The following CAMSAP1 variants were observed in gnomAD, a reference collection of about 807,000 sequenced individuals.
CAMSAP1 encodes calmodulin regulated spectrin associated protein 1, also known as calmodulin-regulated spectrin-associated protein 1.
In CAMSAP1, 58 loss-of-function variants were observed where a neutral mutation model predicts 143.5. The ratio of observed to expected loss-of-function variants is 0.40; its 90% CI spans 0.33 to 0.50. The LOEUF is 0.50. CAMSAP1 is among the 20% of genes least tolerant of loss of function. The pLI, the probability that CAMSAP1 is intolerant of heterozygous loss-of-function variation, is 0.45. For synonymous variants in CAMSAP1, 945 were observed against 859.3 expected, an observed-to-expected ratio of 1.10 and a Z score of -1.74; for missense variants, 1,969 against 2,115.7, an observed-to-expected ratio of 0.93 and a Z score of 1.36.
At chr9:135,848,210 G>A (rs1242373035) in intron 7 of CAMSAP1, among the ~76,000 whole-genome samples, 1 of 151,916 alleles carries the variant, frequency 6.6e-6, no homozygotes, top group African/African-American at 2.4e-5. Context: ...AGTTGGGAAG[G>A]AAAGTTAAGT....
rs911573428 is a variant in CAMSAP1 at position 135,836,285 on chromosome 9, C to T, written c.1046-8701G>A. ...TTACCCATTCCGCAGCCACACATCA[C>T]CACGTACCTTCTACCCTGTTCTACA... On this transcript the variant is annotated intron_variant, in intron 7 of 16. Transcript: ENST00000389532. 14 of 984,818 alleles carry T rather than the reference C, an allele frequency of 1.4e-5. No individual in the cohort carries two copies. The East Asian group carries it at 1.5e-3, about 105-fold the overall frequency. The allele number at this position is 984,818 out of a possible 1,614,324, so 61.0% of individuals were successfully genotyped here. A position where few individuals can be genotyped will look rare whatever the true frequency, so the allele number is the denominator to read the frequency against.
At position 135,823,221 on chromosome 9, in the gene CAMSAP1, A is replaced by G; in HGVS notation, c.1440T>C (p.Ala480=). The G allele has an allele frequency of 6.4e-7, 1 of 1,569,738 alleles. No homozygotes were observed. The highest frequency in any genetic ancestry group is 1.2e-5 in the South Asian group (1 of 82,372). Reference sequence around the variant, plus strand: ...AGCTGGGATCCACTTCACAACTCGCAGCGTGATGTAGAGCAAAAGGTGTTG... The same window carrying G: ...AGCTGGGATCCACTTCACAACTCGCGGCGTGATGTAGAGCAAAAGGTGTTG... The part of the protein sequence containing the change: ...SQPTPFALHH[A]ASCEVDPSSG... The change falls in exon 11 of 17, where the codon GCT becomes GCC. Residue 480 remains alanine (A), a synonymous_variant. Coordinates refer to ENST00000389532, the MANE Select transcript of CAMSAP1 (RefSeq NM_015447.4).
In CAMSAP1 at chr9:135,820,798, C is replaced by CA; in HGVS notation, c.3822+40dup. 5 of 1,596,548 alleles carry CA rather than the reference C, an allele frequency of 3.1e-6. No homozygotes were observed. Among genetic ancestry groups the CA allele is most frequent in the Non-Finnish European group, 4.3e-6 (5 of 1,173,134 alleles). ...AACTCACTATCACGTGGGGTGGCAA[C>CA]ACATCACGAGTGCCTGAAACAGATG... On this transcript the variant is annotated intron_variant, in intron 11 of 16. Transcript: ENST00000389532. This position sits in a 1 kb window ranked among gnomAD's most constrained non-coding sequence, Gnocchi z 4.4.
chr9:135,874,123 T>A (rs1837655289), intron 3 of CAMSAP1, among the ~76,000 whole-genome samples: 1 of 152,104 alleles, frequency 6.6e-6, no homozygotes, highest in South Asian at 2.1e-4. Context: ...AAAAGTCATA[T>A]AATCATCTCA....
intron 7 of CAMSAP1, 74 bp downstream of exon 7, chr9:135,850,063 C>A: frequency 8.3e-7 from 1 of 1,207,804 alleles, no homozygotes; most frequent in South Asian, 1.4e-5. Context: ...AACATGGAAC[C>A]ACTGGAGAGT....
chr9:135,850,668 GA>G (rs1836743788), intron 5 of CAMSAP1, among the ~76,000 whole-genome samples: 1 of 152,218 alleles, frequency 6.6e-6, no homozygotes, highest in South Asian at 2.1e-4. Flanking sequence ...TCTCAAGTCT[GA>G]ATTTGATGGT....
At chr9:135,812,291 G>C (rs1040648665) in intron 16 of CAMSAP1, among the ~76,000 whole-genome samples, 1 of 152,178 alleles carries the variant, frequency 6.6e-6, no homozygotes, top group Admixed American at 6.5e-5. Context: ...ATGACGAGAT[G>C]AACAGCATGG....
chr9:135,847,423 T>A (rs1401348013), intron 7 of CAMSAP1, among the ~76,000 whole-genome samples: 1 of 152,110 alleles, frequency 6.6e-6, no homozygotes, highest in Non-Finnish European at 1.5e-5. Flanking sequence ...GTATGTTTAC[T>A]GCAGCACTAT....
intron 14 of CAMSAP1, among the ~76,000 whole-genome samples, chr9:135,817,599 CTG>C (rs1835276307): frequency 1.3e-5 from 2 of 152,148 alleles, no homozygotes; most frequent in South Asian, 4.2e-4. Flanking sequence ...GGGTCTCACT[CTG>C]TTGCCCAGGC....
At chr9:135,885,386 A>G (rs2130992672) in intron 1 of CAMSAP1, among the ~76,000 whole-genome samples, 1 of 152,268 alleles carries the variant, frequency 6.6e-6, no homozygotes. Context: ...TCCCACTTAG[A>G]CAACTGTGAT....
In CAMSAP1 at chr9:135,818,199, A is replaced by T; in HGVS notation, c.4169-120T>A. ...GCTCGGCCACACAGGCCGCGTCCCC[A>T]CCCCATCCCGGGGAGCCGGGCTGCG... On this transcript the variant is annotated intron_variant, in intron 13 of 16. Coordinates refer to ENST00000389532, the MANE Select transcript of CAMSAP1 (RefSeq NM_015447.4). The surrounding 1 kb of genome is among the most constrained non-coding windows in gnomAD (Gnocchi z 7.7). 8.3e-7 allele frequency: 1 copy of T among 1,198,032 alleles called. No individual in the cohort carries two copies. Among genetic ancestry groups the T allele is most frequent in the Middle Eastern group, 1.9e-4 (1 of 5,234 alleles). 74.2% of individuals were successfully genotyped at this position (1,198,032 alleles called of 1,614,324 possible).
chr9:135,814,425 C>T (rs1006275251), intron 16 of CAMSAP1, among the ~76,000 whole-genome samples: 1 of 152,180 alleles, frequency 6.6e-6, no homozygotes, highest in African/African-American at 2.4e-5. Context: ...GGCCACACAC[C>T]AGCCTCAATC....
chr9:135,898,622 TG>T (rs1253237852), intron 1 of CAMSAP1, among the ~76,000 whole-genome samples: 1 of 152,130 alleles, frequency 6.6e-6, no homozygotes, highest in East Asian at 1.9e-4. Flanking sequence ...CATATAAAAA[TG>T]CTCATCATAA....
At chr9:135,837,556 C>T (rs563241827) in intron 7 of CAMSAP1, among the ~76,000 whole-genome samples, 2 of 150,856 alleles carry the variant, frequency 1.3e-5, no homozygotes, top group Non-Finnish European at 3.0e-5. Flanking sequence ...TACAGACACA[C>T]ATCATCACGC....
rs183780170 is a variant in CAMSAP1, at chr9:135,845,574, A to G, written c.1045+4563T>C. Among the ~76,000 whole-genome samples, 207 of 152,316 alleles carry G rather than the reference A, an allele frequency of 1.4e-3. 1 individual carries two copies. Among genetic ancestry groups the G allele is most frequent in the African/African-American group, 4.9e-3 (204 of 41,548 alleles). ...TTCAAATAGGAAGAAAGGAAGTCAA[A>G]TTGTCTCTGTTTGCAGATGACATGA... On this transcript the variant is annotated intron_variant, in intron 7 of 16. Coordinates refer to ENST00000389532, the MANE Select transcript of CAMSAP1 (RefSeq NM_015447.4).
rs1834996113 is a variant in CAMSAP1 at position 135,810,204 on chromosome 9, A to G, written c.*1105T>C. On this transcript the variant is annotated 3_prime_UTR_variant, in exon 17 of 17. Transcript: ENST00000389532. ...AACCCAAAGCCATCCACTTACTTGG[A>G]GTTCTGAAATAACTGCAAATAACCA... 1 of 152,328 alleles carries G rather than the reference A, an allele frequency of 6.6e-6. No homozygotes were observed. The highest frequency in any genetic ancestry group is 1.5e-5 in the Non-Finnish European group (1 of 68,042). 9.4% of individuals were successfully genotyped at this position (152,328 alleles called of 1,614,324 possible). A position where few individuals can be genotyped will look rare whatever the true frequency, so the allele number is the denominator to read the frequency against.
chr9:135,812,807 AAGG>A (rs1209907984), intron 16 of CAMSAP1, among the ~76,000 whole-genome samples: 1 of 152,138 alleles, frequency 6.6e-6, no homozygotes, highest in Non-Finnish European at 1.5e-5. Flanking sequence ...CATCTCTACT[AAGG>A]ATACAAAAAT....
At chr9:135,891,299 C>A (rs1389098745) in intron 1 of CAMSAP1, among the ~76,000 whole-genome samples, 1 of 152,202 alleles carries the variant, frequency 6.6e-6, no homozygotes, top group East Asian at 1.9e-4. Flanking sequence ...AGGAGGAAAG[C>A]CCATCTTTCT....
At chr9:135,878,692 C>T (rs892006244) in intron 3 of CAMSAP1, among the ~76,000 whole-genome samples, 5 of 152,156 alleles carry the variant, frequency 3.3e-5, no homozygotes, top group African/African-American at 9.7e-5. Context: ...GAACACAGCG[C>T]GGGTGAGAGA....
Sources: allele counts gnomAD v4.1 joint callset (sites outside exome capture counted in the v4.1 genomes callset), GRCh38; gene constraint gnomAD v4.1.1; non-coding constraint Gnocchi (gnomAD v3.1); transcripts MANE v1.5; gene names NCBI Gene and HGNC (gene_info 2026-07-23, HGNC 2026-07-21).